Variants in PTPRD observed in about 807,000 individuals in gnomAD.
PTPRD encodes the protein receptor-type tyrosine-protein phosphatase delta.
PTPRD carries 34 observed loss-of-function variants against 214.5 expected under a neutral mutation model. The observed-to-expected ratio is 0.16, with a 90% CI of 0.12 to 0.21. PTPRD has a LOEUF of 0.21. Among genes scored for constraint, PTPRD ranks in the 10% least tolerant of loss-of-function variants. PTPRD has a pLI of 1.00. For missense variants in PTPRD, 2,545 were observed against 2,398.7 expected (o/e 1.06, Z -1.27); for synonymous variants, 1,128 against 845.7 (o/e 1.33, Z -5.79).
intron 8 of PTPRD, among the ~76,000 whole-genome samples, chr9:9,562,765 C>A (rs558963207): frequency 1.3e-5 from 2 of 152,180 alleles, no homozygotes; most frequent in Non-Finnish European, 2.9e-5. Context: ...TATATTTCTA[C>A]CCACCCCACA....
intron 3 of PTPRD, among the ~76,000 whole-genome samples, chr9:10,069,544 T>C (rs987566858): frequency 3.3e-5 from 5 of 152,034 alleles, no homozygotes; most frequent in African/African-American, 1.2e-4. Context: ...GCTTTTTCTT[T>C]CTCTCACAAA....
intron 2 of PTPRD, among the ~76,000 whole-genome samples, chr9:10,531,434 C>A (rs544156433): frequency 6.6e-6 from 1 of 152,222 alleles, no homozygotes; most frequent in East Asian, 1.9e-4. Flanking sequence ...TCAAAGACAG[C>A]ATCACTGACA....
chr9:10,507,587 G>T (rs1483784418), intron 2 of PTPRD, among the ~76,000 whole-genome samples: 1 of 152,008 alleles, frequency 6.6e-6, no homozygotes, highest in African/African-American at 2.4e-5. Context: ...CATGCCACTG[G>T]TACCAAAACA....
chr9:9,377,547 G>C (rs555489274), intron 9 of PTPRD, among the ~76,000 whole-genome samples: 2 of 152,028 alleles, frequency 1.3e-5, no homozygotes, highest in South Asian at 4.2e-4. Flanking sequence ...TATTATCAGA[G>C]AAACAGAGGC....
At chr9:10,407,242 T>C (rs1022535666) in intron 2 of PTPRD, among the ~76,000 whole-genome samples, 4 of 151,612 alleles carry the variant, frequency 2.6e-5, no homozygotes, top group Non-Finnish European at 5.9e-5. Flanking sequence ...TATGTCATTA[T>C]ACCCAATAAT....
chr9:8,508,366 A>G (rs1483810407), intron 21 of PTPRD, among the ~76,000 whole-genome samples: 1 of 152,208 alleles, frequency 6.6e-6, no homozygotes, highest in Non-Finnish European at 1.5e-5. Context: ...CCCTCTATCC[A>G]TTATACACAA....
At chr9:8,463,695 T>C (rs956179462) in intron 32 of PTPRD, among the ~76,000 whole-genome samples, 8 of 152,066 alleles carry the variant, frequency 5.3e-5, no homozygotes, top group Non-Finnish European at 7.4e-5. Context: ...CAATAAGAGA[T>C]TAAATTTTGG....
At chr9:9,367,760 G>C (rs1315502642) in intron 9 of PTPRD, among the ~76,000 whole-genome samples, 1 of 151,648 alleles carries the variant, frequency 6.6e-6, no homozygotes, top group African/African-American at 2.4e-5. Context: ...CATATTATAT[G>C]CTAACTCGAA....
At chr9:8,477,121 G>GA (rs538039183) in intron 30 of PTPRD, among the ~76,000 whole-genome samples, 6,978 of 138,268 alleles carry the variant, frequency 0.05, 492 homozygotes, top group African/African-American at 0.16. Flanking sequence ...TGCTTGAAAT[G>GA]AAAAAAAAAA....
intron 6 of PTPRD, among the ~76,000 whole-genome samples, chr9:9,753,991 G>A (rs540475433): frequency 1.3e-5 from 2 of 151,948 alleles, no homozygotes; most frequent in Non-Finnish European, 2.9e-5. Context: ...ATCCAATATA[G>A]CAATTATTAT....
At chr9:9,260,106 T>C (rs926136476) in intron 9 of PTPRD, among the ~76,000 whole-genome samples, 8 of 151,896 alleles carry the variant, frequency 5.3e-5, no homozygotes, top group Non-Finnish European at 1.2e-4. Flanking sequence ...TTGTGAAATA[T>C]ATTTTCTATA....
intron 9 of PTPRD, among the ~76,000 whole-genome samples, chr9:9,305,655 A>C (rs1333105): frequency 0.19 from 28,381 of 152,044 alleles, 2,959 homozygotes; most frequent in East Asian, 0.38. Flanking sequence ...AGATGTAATA[A>C]ACTTAAAATG....
At chr9:9,372,479 C>T (rs2059787147) in intron 9 of PTPRD, among the ~76,000 whole-genome samples, 1 of 152,052 alleles carries the variant, frequency 6.6e-6, no homozygotes, top group Non-Finnish European at 1.5e-5. Flanking sequence ...GATCTTCCTC[C>T]ATCCCTTTAT....
chr9:9,256,764 A>C (rs866566580), intron 9 of PTPRD, among the ~76,000 whole-genome samples: 1 of 151,996 alleles, frequency 6.6e-6, no homozygotes, highest in Non-Finnish European at 1.5e-5. Context: ...TCATTCCTCT[A>C]TATAAAAATC....
At chr9:8,904,072 C>T (rs890022103) in intron 11 of PTPRD, among the ~76,000 whole-genome samples, 4 of 152,176 alleles carry the variant, frequency 2.6e-5, no homozygotes, top group African/African-American at 9.7e-5. Context: ...AATAATGCTA[C>T]AGTGAACACT....
intron 5 of PTPRD, among the ~76,000 whole-genome samples, chr9:9,838,963 C>A (rs1169192073): frequency 1.3e-5 from 2 of 152,002 alleles, no homozygotes; most frequent in African/African-American, 2.4e-5. Flanking sequence ...AGGAAGGGAT[C>A]CAGTTTCAGC....
chr9:9,229,210 C>T (rs1198989066), intron 9 of PTPRD, among the ~76,000 whole-genome samples: 1 of 151,990 alleles, frequency 6.6e-6, no homozygotes, highest in African/African-American at 2.4e-5. Flanking sequence ...CAGGTATTAT[C>T]CTTCTATTCT....
chr9:10,157,606 T>G (rs893784873), intron 3 of PTPRD, among the ~76,000 whole-genome samples: 1 of 152,160 alleles, frequency 6.6e-6, no homozygotes, highest in Non-Finnish European at 1.5e-5. Context: ...CTGATAATTA[T>G]GTGACTTGGA....
At chr9:8,909,054 G>T (rs935985862) in intron 11 of PTPRD, among the ~76,000 whole-genome samples, 2 of 151,486 alleles carry the variant, frequency 1.3e-5, no homozygotes, top group African/African-American at 4.8e-5. Flanking sequence ...CAAACTTCAA[G>T]CAAGATACCC....
Sources: allele counts gnomAD v4.1 joint callset (sites outside exome capture counted in the v4.1 genomes callset), GRCh38; gene constraint gnomAD v4.1.1; transcripts MANE v1.5; gene names NCBI Gene and HGNC (gene_info 2026-07-23, HGNC 2026-07-21).